The following SEMA6D variants were observed in gnomAD, a reference collection of about 807,000 sequenced individuals.
SEMA6D encodes the protein semaphorin-6D.
Under a neutral mutation model 106.6 loss-of-function variants are expected in SEMA6D, and 35 were observed. The observed-to-expected ratio is 0.33, with a 90% confidence interval of 0.25 to 0.44. SEMA6D has a LOEUF of 0.44. SEMA6D is among the 20% of genes least tolerant of loss of function. The pLI, the probability that SEMA6D is intolerant of heterozygous loss-of-function variation, is 1.00. For synonymous variants in SEMA6D, 499 were observed against 487.7 expected (o/e 1.02, Z -0.31); for missense variants, 1,185 against 1,345.9 (o/e 0.88, Z 1.87).
chr15:47,259,623 T>G (rs563297167), intron 1 of SEMA6D, among the ~76,000 whole-genome samples: 1 of 152,148 alleles, frequency 6.6e-6, no homozygotes, highest in Non-Finnish European at 1.5e-5. Flanking sequence ...TGTCTTAGAG[T>G]TTTCAGAAGT....
intron 1 of SEMA6D, among the ~76,000 whole-genome samples, chr15:47,388,661 A>G (rs551435379): frequency 6.6e-6 from 1 of 152,264 alleles, no homozygotes; most frequent in East Asian, 1.9e-4. Flanking sequence ...AATAAGGGGG[A>G]GACTCCTGTA....
At position 47,530,725 on chromosome 15, in the gene SEMA6D, A is replaced by G. The variant is rs570144423; in HGVS notation, c.-87+60180A>G. Reference sequence around the variant, plus strand: ...AATCACTTGAGTTTGTAGGAGATGTATAGAGAAAGAGTGTGGGTCCGAAGC... The same window carrying G: ...AATCACTTGAGTTTGTAGGAGATGTGTAGAGAAAGAGTGTGGGTCCGAAGC... On this transcript the variant is annotated intron_variant, in intron 3 of 19. Coordinates refer to the SEMA6D transcript ENST00000558014. Among the ~76,000 whole-genome samples, 7 of 152,312 alleles carry G rather than the reference A, an allele frequency of 4.6e-5. No homozygotes were observed. In the East Asian group the frequency reaches 1.4e-3, roughly 29 times the overall value.
At chr15:47,466,343 T>G (rs759722028) in intron 2 of SEMA6D, among the ~76,000 whole-genome samples, 2 of 152,186 alleles carry the variant, frequency 1.3e-5, no homozygotes, top group Non-Finnish European at 2.9e-5. Flanking sequence ...TAGCACCCAC[T>G]TTTCTACTCT....
chr15:47,184,130 A>G (rs62017383), exon 1 of SEMA6D: 1,548 of 152,804 alleles, frequency 0.01, 14 homozygotes, highest in Non-Finnish European at 0.016. Flanking sequence ...AAGAGGAAGG[A>G]GTGGAGGGCT....
At chr15:47,596,562 T>A (rs116502193) in intron 3 of SEMA6D, among the ~76,000 whole-genome samples, 1,754 of 152,080 alleles carry the variant, frequency 0.012, 30 homozygotes, top group African/African-American at 0.04. Context: ...TAGAACAACA[T>A]CATATTGGCA....
chr15:47,201,880 A>AT (rs1351745510), intron 1 of SEMA6D, among the ~76,000 whole-genome samples: 1 of 152,096 alleles, frequency 6.6e-6, no homozygotes, highest in Admixed American at 6.6e-5. Context: ...CCCAGACGGC[A>AT]TGCCTTATTC....
chr15:47,626,406 C>T (rs1441367204), intron 4 of SEMA6D, among the ~76,000 whole-genome samples: 1 of 152,182 alleles, frequency 6.6e-6, no homozygotes, highest in Non-Finnish European at 1.5e-5. Context: ...CTCAGAAGTG[C>T]TCTTCTTAAT....
At chr15:47,653,759 T>C (rs192052672) in intron 4 of SEMA6D, among the ~76,000 whole-genome samples, 93 of 152,362 alleles carry the variant, frequency 6.1e-4, no homozygotes, top group South Asian at 4.6e-3. Context: ...TTCTCTTGTA[T>C]GCCGCATAGT....
At position 47,404,173 on chromosome 15, in the gene SEMA6D, G is replaced by C. The variant is rs1045838407; in HGVS notation, c.-238-8220G>C. ...TTGGAAAATCACCTTAAATTATTCT[G>C]TTGTCGAGATCACCCTCTAATACCC... On this transcript the variant is annotated intron_variant, in intron 1 of 19. Transcript: ENST00000558014. 2.0e-5 allele frequency among the ~76,000 whole-genome samples: 3 copies of C among 152,224 alleles called. No homozygotes were observed. The East Asian group carries it at 5.8e-4, about 29-fold the overall frequency.
At chr15:47,673,818 C>T (rs1002843788) in intron 4 of SEMA6D, among the ~76,000 whole-genome samples, 3 of 152,146 alleles carry the variant, frequency 2.0e-5, no homozygotes, top group Admixed American at 2.0e-4. Context: ...CCCAGGATAG[C>T]TTACAGGCAT....
intron 1 of SEMA6D, among the ~76,000 whole-genome samples, chr15:47,326,015 T>G (rs2037117721): frequency 6.6e-6 from 1 of 152,216 alleles, no homozygotes; most frequent in African/African-American, 2.4e-5. Context: ...GAAAAGTGCC[T>G]GCTACTAAAT....
At chr15:47,295,725 C>G (rs544749327) in intron 1 of SEMA6D, among the ~76,000 whole-genome samples, 2 of 152,246 alleles carry the variant, frequency 1.3e-5, no homozygotes, top group African/African-American at 2.4e-5. Context: ...GAGATACAAA[C>G]ATAATCAGAG....
chr15:47,418,882 CTTTTGA>C (rs1008905460), intron 2 of SEMA6D, among the ~76,000 whole-genome samples: 4 of 152,108 alleles, frequency 2.6e-5, no homozygotes, highest in Non-Finnish European at 5.9e-5. Context: ...TGAAAGTTCT[CTTTTGA>C]TTGTTTACCA....
intron 1 of SEMA6D, among the ~76,000 whole-genome samples, chr15:47,280,050 T>A (rs1264465881): frequency 6.6e-6 from 1 of 151,250 alleles, no homozygotes; most frequent in Non-Finnish European, 1.5e-5. Context: ...ATAAAATGAG[T>A]TAGGGAGGAT....
chr15:47,405,692 C>T (rs1238198752), intron 1 of SEMA6D, among the ~76,000 whole-genome samples: 3 of 152,190 alleles, frequency 2.0e-5, no homozygotes, highest in African/African-American at 4.8e-5. Context: ...ATAATTCCCT[C>T]ATCTAGCTGG....
chr15:47,237,272 A>G (rs1036629179), intron 1 of SEMA6D, among the ~76,000 whole-genome samples: 2 of 152,306 alleles, frequency 1.3e-5, no homozygotes, highest in East Asian at 1.9e-4. Context: ...AACATGGGTA[A>G]GACATCTTGA....
At chr15:47,398,124 T>C (rs1323035421) in intron 1 of SEMA6D, among the ~76,000 whole-genome samples, 1 of 152,208 alleles carries the variant, frequency 6.6e-6, no homozygotes, top group Non-Finnish European at 1.5e-5. Context: ...GTGACTTGGC[T>C]AATTATGAAA....
chr15:47,665,095 A>G lies in SEMA6D; in HGVS notation c.-55+64199A>G, dbSNP rs77131135. 6.8e-3 allele frequency among the ~76,000 whole-genome samples: 1,042 copies of G among 152,152 alleles called. 10 individuals carry two copies. Among genetic ancestry groups the G allele is most frequent in the African/African-American group, 0.024 (976 of 41,510 alleles). The stretch of plus-strand genomic sequence containing the variant: ...CCTATTTTAATGTCTTCCTCTGTCA[A>G]ACATACCTATAGTGGTAGCATGTAC... On this transcript the variant is annotated intron_variant, in intron 4 of 19. Transcript: ENST00000558014.
chr15:47,455,266 CT>C (rs1196914268), intron 2 of SEMA6D, among the ~76,000 whole-genome samples: 4 of 151,862 alleles, frequency 2.6e-5, no homozygotes, highest in East Asian at 1.9e-4. Flanking sequence ...CTGTTCACCC[CT>C]ATATGTCCCT....
Sources: allele counts gnomAD v4.1 joint callset (sites outside exome capture counted in the v4.1 genomes callset), GRCh38; gene constraint gnomAD v4.1.1; transcripts MANE v1.5; gene names NCBI Gene and HGNC (gene_info 2026-07-23, HGNC 2026-07-21).